The following SYNPR variants were observed in gnomAD, a reference collection of about 807,000 sequenced individuals.
SYNPR encodes synaptoporin.
SYNPR carries 23 observed loss-of-function variants against 32.9 expected under a neutral mutation model. The ratio of observed to expected loss-of-function variants is 0.70; its 90% CI spans 0.50 to 0.99. SYNPR has a LOEUF of 0.99. SYNPR is among the 50% of genes least tolerant of loss of function. The pLI, the probability that SYNPR is intolerant of heterozygous loss-of-function variation, is 0.00. For synonymous variants in SYNPR, 146 were observed against 135.9 expected, an observed-to-expected ratio of 1.07 and a Z score of -0.52; for missense variants, 318 against 349.3, an observed-to-expected ratio of 0.91 and a Z score of 0.71.
intron 2 of SYNPR, among the ~76,000 whole-genome samples, chr3:63,385,640 T>C (rs1282179030): frequency 6.6e-6 from 1 of 152,224 alleles, no homozygotes; most frequent in Non-Finnish European, 1.5e-5. Flanking sequence ...ATAGCACCTC[T>C]AGCTGTTCTC....
chr3:63,255,890 T>C (rs1005428295), intron 2 of SYNPR, among the ~76,000 whole-genome samples: 1 of 152,182 alleles, frequency 6.6e-6, no homozygotes, highest in African/African-American at 2.4e-5. Flanking sequence ...ACTTTTCCAA[T>C]GGTGTTAGCA....
At chr3:63,339,992 A>G (rs1377574596) in intron 2 of SYNPR, among the ~76,000 whole-genome samples, 3 of 151,948 alleles carry the variant, frequency 2.0e-5, no homozygotes, top group Admixed American at 6.6e-5. Context: ...CCCTTCCTTA[A>G]CTTGTCCTTA....
intron 1 of SYNPR, among the ~76,000 whole-genome samples, chr3:63,245,506 T>C (rs538712542): frequency 6.6e-6 from 1 of 152,174 alleles, no homozygotes; most frequent in African/African-American, 2.4e-5. Flanking sequence ...TACAGTTAAC[T>C]AACCTGTCCA....
At chr3:63,400,128 T>G (rs954130769) in intron 2 of SYNPR, among the ~76,000 whole-genome samples, 1 of 152,248 alleles carries the variant, frequency 6.6e-6, no homozygotes, top group African/African-American at 2.4e-5. Flanking sequence ...GATATTTGTA[T>G]GAAAATAAGA....
intron 3 of SYNPR, among the ~76,000 whole-genome samples, chr3:63,536,924 A>G (rs1317595171): frequency 6.6e-6 from 1 of 152,228 alleles, no homozygotes; most frequent in Middle Eastern, 3.4e-3. Flanking sequence ...AGTAGATTAG[A>G]ATTTCCAGGG....
intron 4 of SYNPR, among the ~76,000 whole-genome samples, chr3:63,557,968 A>G (rs191789312): frequency 2.6e-4 from 39 of 152,360 alleles, no homozygotes; most frequent in Non-Finnish European, 4.1e-4. Flanking sequence ...AGTGCTTTTT[A>G]AAGCTGGTTA....
chr3:63,200,817 C>T, the SYNPR span, among the ~76,000 whole-genome samples: 4 of 152,148 alleles, frequency 2.6e-5, no homozygotes, highest in Non-Finnish European at 5.9e-5. Flanking sequence ...GCTCCCTAAG[C>T]ATTCTAAAAG....
intron 2 of SYNPR, among the ~76,000 whole-genome samples, chr3:63,253,541 T>C (rs990913954): frequency 3.9e-5 from 6 of 152,166 alleles, no homozygotes; most frequent in Non-Finnish European, 8.8e-5. Context: ...TGTATAAGAT[T>C]TTTAAATAAA....
chr3:63,362,110 C>T (rs1208490727), intron 2 of SYNPR, among the ~76,000 whole-genome samples: 1 of 152,140 alleles, frequency 6.6e-6, no homozygotes. Context: ...TGCATTATCT[C>T]CCTGCCATCT....
At chr3:63,227,905 C>G (rs1448407057), upstream of SYNPR, among the ~76,000 whole-genome samples, 1 of 152,144 alleles carries the variant, frequency 6.6e-6, no homozygotes, top group East Asian at 1.9e-4. Flanking sequence ...AAGTGGAATT[C>G]TGTTCCTAAG....
chr3:63,262,038 A>C (rs866989195), intron 2 of SYNPR, among the ~76,000 whole-genome samples: 1 of 147,026 alleles, frequency 6.8e-6, no homozygotes, highest in African/African-American at 2.5e-5. Context: ...AAAAAAAAAA[A>C]CAAACTCATG....
chr3:63,446,375 G>C (rs1483052756), intron 2 of SYNPR, among the ~76,000 whole-genome samples: 2 of 151,600 alleles, frequency 1.3e-5, no homozygotes, highest in African/African-American at 4.8e-5. Context: ...ATCTCACCTG[G>C]GTAATTTAAA....
chr3:63,554,083 T>G (rs987466419), intron 3 of SYNPR, among the ~76,000 whole-genome samples: 5 of 152,178 alleles, frequency 3.3e-5, no homozygotes, highest in African/African-American at 1.2e-4. Context: ...GCTGTTCATT[T>G]CTTGCTTGTT....
At chr3:63,229,679 A>T (rs1255427949) in intron 1 of SYNPR, among the ~76,000 whole-genome samples, 1 of 152,172 alleles carries the variant, frequency 6.6e-6, no homozygotes, top group Non-Finnish European at 1.5e-5. Flanking sequence ...TCTTTTGTGT[A>T]TATCTCCAAA....
At chr3:63,459,095 C>T (rs1166121296) in intron 2 of SYNPR, among the ~76,000 whole-genome samples, 2 of 151,954 alleles carry the variant, frequency 1.3e-5, no homozygotes, top group Admixed American at 6.6e-5. Flanking sequence ...TTAATCTCAC[C>T]TATCTCTTCT....
intron 2 of SYNPR, chr3:63,330,202 T>A (rs2087211471): frequency 6.6e-6 from 1 of 152,196 alleles, no homozygotes; most frequent in African/African-American, 2.4e-5. Context: ...CAGTTATTTG[T>A]TGACTGGACT....
intron 2 of SYNPR, among the ~76,000 whole-genome samples, chr3:63,476,241 A>G (rs1345281633): frequency 1.2e-5 from 1 of 82,668 alleles, no homozygotes; most frequent in Non-Finnish European, 2.3e-5. Context: ...GGAAGGAAGG[A>G]AAGGAGGGAG....
intron 3 of SYNPR, among the ~76,000 whole-genome samples, chr3:63,538,411 A>T (rs1322766178): frequency 6.6e-6 from 1 of 152,110 alleles, no homozygotes; most frequent in East Asian, 1.9e-4. Flanking sequence ...GATGATAATT[A>T]ATATTATTCT....
intron 2 of SYNPR, among the ~76,000 whole-genome samples, chr3:63,322,667 C>T (rs1451311): frequency 0.21 from 31,891 of 152,012 alleles, 3,884 homozygotes; most frequent in South Asian, 0.37. Flanking sequence ...AAAACTAAAG[C>T]ACAAAGACAC....
Sources: allele counts gnomAD v4.1 joint callset (sites outside exome capture counted in the v4.1 genomes callset), GRCh38; gene constraint gnomAD v4.1.1; transcripts MANE v1.5; gene names NCBI Gene and HGNC (gene_info 2026-07-23, HGNC 2026-07-21).